The following CAMTA1 variants were observed in gnomAD, a reference collection of about 807,000 sequenced individuals.
The protein encoded by CAMTA1 is calmodulin-binding transcription activator 1.
CAMTA1 carries 27 observed loss-of-function variants against 170.9 expected under a neutral mutation model. The observed-to-expected ratio is 0.16, with a 90% CI of 0.12 to 0.22. The LOEUF is 0.22. CAMTA1 is among the 10% of genes least tolerant of loss of function. CAMTA1 has a pLI of 1.00. For synonymous variants in CAMTA1, 833 were observed against 891.5 expected, an observed-to-expected ratio of 0.93 and a Z score of 1.17; for missense variants, 1,619 against 2,217.2, an observed-to-expected ratio of 0.73 and a Z score of 5.42.
intron 3 of CAMTA1, among the ~76,000 whole-genome samples, chr1:7,035,400 CAA>C (rs34384173): frequency 0.18 from 25,483 of 139,934 alleles, 2,789 homozygotes; most frequent in African/African-American, 0.33. Context: ...AACTCGGTCT[CAA>C]AAAAAAAAAA....
rs1679107347 is a variant in CAMTA1 at position 7,325,215 on chromosome 1, G to T, written c.438+75589G>T. On this transcript the variant is annotated intron_variant, in intron 5 of 22. Transcript: ENST00000303635. The surrounding 1 kb of genome is among the most constrained non-coding windows in gnomAD (Gnocchi z 5.0). ...ACTTGACATTCTAGCTGGGGTGACA[G>T]ATTCTAAACAATAAACATCCACGAG... Among the ~76,000 whole-genome samples, 1 of 152,216 alleles carries T rather than the reference G, an allele frequency of 6.6e-6. No homozygotes were observed. The highest frequency in any genetic ancestry group is 1.5e-5 in the Non-Finnish European group (1 of 68,036).
At chr1:7,728,120 C>T (rs1229797181) in intron 11 of CAMTA1, among the ~76,000 whole-genome samples, 2 of 152,210 alleles carry the variant, frequency 1.3e-5, no homozygotes, top group Non-Finnish European at 2.9e-5. Flanking sequence ...ATATCATGCA[C>T]TCATGGCATA....
chr1:7,218,640 G>A (rs1359154736), intron 4 of CAMTA1, among the ~76,000 whole-genome samples: 2 of 152,040 alleles, frequency 1.3e-5, no homozygotes, highest in African/African-American at 4.8e-5. Flanking sequence ...GGTCTATCTG[G>A]ATTCATTTTT....
At chr1:7,172,317 T>G (rs1649804052) in intron 4 of CAMTA1, among the ~76,000 whole-genome samples, 1 of 152,126 alleles carries the variant, frequency 6.6e-6, no homozygotes, top group Non-Finnish European at 1.5e-5. Flanking sequence ...GCCCAGCTAA[T>G]TTTTGTATTT....
chr1:7,574,889 G>A lies in CAMTA1; in HGVS notation c.511-65511G>A, dbSNP rs570023004. ...AAGCTCTTGGCTTACTGAGAGGTCC[G>A]TGCCCCAACCCCAGCCCAGTCCCAG... is the stretch of plus-strand genomic sequence containing the variant. On this transcript the variant is annotated intron_variant, in intron 6 of 22. Transcript: ENST00000303635. Among the ~76,000 whole-genome samples the A allele has an allele frequency of 2.9e-4, 44 of 152,282 alleles. 1 individual carries two copies. Among genetic ancestry groups the A allele is most frequent in the African/African-American group, 8.7e-4 (36 of 41,554 alleles).
chr1:7,487,953 C>T (rs564656683), intron 6 of CAMTA1, among the ~76,000 whole-genome samples: 1 of 152,272 alleles, frequency 6.6e-6, no homozygotes, highest in African/African-American at 2.4e-5. Flanking sequence ...GGAGTGGTGT[C>T]GTTTGCCGCC....
Position 7,265,534 on chromosome 1 carries a change from G to A in CAMTA1, c.438+15908G>A, listed in dbSNP as rs181619261. 1.7e-3 allele frequency among the ~76,000 whole-genome samples: 256 copies of A among 152,154 alleles called. 1 individual carries two copies. Among genetic ancestry groups the A allele is most frequent in the African/African-American group, 5.5e-3 (228 of 41,522 alleles). On this transcript the variant is annotated intron_variant, in intron 5 of 22. Coordinates refer to ENST00000303635, the MANE Select transcript of CAMTA1 (RefSeq NM_015215.4). The stretch of plus-strand genomic sequence containing the variant: ...TCGCCATGTTGGCCAGGCTGGTCTC[G>A]AACTCCTGACCTCAAGTGATCTGCC...
chr1:7,111,914 C>T (rs571375772), intron 4 of CAMTA1, among the ~76,000 whole-genome samples: 47 of 144,250 alleles, frequency 3.3e-4, no homozygotes, highest in Non-Finnish European at 6.6e-4. Context: ...AAAAAAAAAC[C>T]GAAGACTGAA....
At chr1:7,094,712 A>G (rs1283339808) in intron 4 of CAMTA1, among the ~76,000 whole-genome samples, 2 of 152,182 alleles carry the variant, frequency 1.3e-5, no homozygotes, top group African/African-American at 2.4e-5. Context: ...GGAGGCTCCC[A>G]GGGCTGGGGA....
intron 3 of CAMTA1, among the ~76,000 whole-genome samples, chr1:6,860,318 A>G (rs540607970): frequency 6.6e-6 from 1 of 152,296 alleles, no homozygotes; most frequent in South Asian, 2.1e-4. Context: ...GATGTTTAAT[A>G]TAGCTGAACT....
Position 7,249,402 on chromosome 1 carries a change from TAG to T in CAMTA1, c.303-85_303-84del. On this transcript the variant is annotated intron_variant, in intron 4 of 22. Coordinates refer to ENST00000303635, the MANE Select transcript of CAMTA1 (RefSeq NM_015215.4). The surrounding 1 kb of genome is among the most constrained non-coding windows in gnomAD (Gnocchi z 4.4). ...GCAAATGTGGAATATTGCTTTTCTG[TAG>T]AGACTTTTACTGGTCGATGATATCT... 1 of 1,235,304 alleles carries T rather than the reference TAG, an allele frequency of 8.1e-7. No individual in the cohort carries two copies. The highest frequency in any genetic ancestry group is 1.1e-6 in the Non-Finnish European group (1 of 883,306). 76.5% of individuals were successfully genotyped at this position (1,235,304 alleles called of 1,614,324 possible).
chr1:6,891,411 A>G lies in CAMTA1; in HGVS notation c.234+66201A>G, dbSNP rs189880839. On this transcript the variant is annotated intron_variant, in intron 3 of 22. Coordinates refer to ENST00000303635, the MANE Select transcript of CAMTA1 (RefSeq NM_015215.4). ...TGAATTCCATTGTAGATGTGTTGGC[A>G]TTTGCTTCCAAACCATCCTTCTGGT... Among the ~76,000 whole-genome samples the G allele has an allele frequency of 2.9e-3, 436 of 152,314 alleles. 2 individuals are homozygous for G. The highest frequency in any genetic ancestry group is 5.8e-3 in the Admixed American group (89 of 15,304).
intron 4 of CAMTA1, among the ~76,000 whole-genome samples, chr1:7,103,824 GCACACACAACTACACACAT>G (rs1643160491): frequency 2.1e-5 from 2 of 94,192 alleles, no homozygotes; most frequent in African/African-American, 6.4e-5. Context: ...CTACACACAT[GCACACACAACTACACACAT>G]GTACACACAA....
chr1:7,516,901 T>A (rs898644164), intron 6 of CAMTA1, among the ~76,000 whole-genome samples: 2 of 152,172 alleles, frequency 1.3e-5, no homozygotes, highest in African/African-American at 2.4e-5. Flanking sequence ...TTGTTATTTC[T>A]CATTATGAAA....
At chr1:7,533,567 G>A (rs1463417768) in intron 6 of CAMTA1, among the ~76,000 whole-genome samples, 3 of 152,160 alleles carry the variant, frequency 2.0e-5, no homozygotes, top group Non-Finnish European at 4.4e-5. Context: ...GAGGCTGGGG[G>A]TGTGGACAGT....
At chr1:7,581,615 G>A (rs2095261607) in intron 6 of CAMTA1, among the ~76,000 whole-genome samples, 2 of 152,372 alleles carry the variant, frequency 1.3e-5, no homozygotes, top group East Asian at 1.9e-4. Context: ...CTTTGGAGGT[G>A]GGACCGGCCA....
At position 7,456,233 on chromosome 1, in the gene CAMTA1, A is replaced by C. The variant is rs2092949902; in HGVS notation, c.439-11597A>C. ...GGAAGAATGGGAGAGAGGGAGGGAGAGAAGGAGGGAGGGAGGAAGGGAGGA... is the reference window on the plus strand; with the variant it reads ...GGAAGAATGGGAGAGAGGGAGGGAGCGAAGGAGGGAGGGAGGAAGGGAGGA... On this transcript the variant is annotated intron_variant, in intron 5 of 22. Coordinates refer to ENST00000303635, the MANE Select transcript of CAMTA1 (RefSeq NM_015215.4). The surrounding 1 kb of genome is among the most constrained non-coding windows in gnomAD (Gnocchi z 4.9). Among the ~76,000 whole-genome samples, 1 of 123,384 alleles carries C rather than the reference A, an allele frequency of 8.1e-6. No individual in the cohort carries two copies. The highest frequency in any genetic ancestry group is 3.0e-5 in the African/African-American group (1 of 32,956). 80.9% of individuals were successfully genotyped at this position (123,384 alleles called of 152,430 possible).
chr1:7,427,543 A>ATT (rs1353234257), intron 5 of CAMTA1, among the ~76,000 whole-genome samples: 1 of 152,184 alleles, frequency 6.6e-6, no homozygotes, highest in African/African-American at 2.4e-5. Flanking sequence ...TATAAATAGT[A>ATT]TTTTATTTGG....
rs2095978492 is a variant in CAMTA1 at position 7,663,433 on chromosome 1, G to T, written c.886G>T (p.Gly296Trp). The T allele has an allele frequency of 2.5e-6, 4 of 1,574,648 alleles. No individual in the cohort carries two copies. Among genetic ancestry groups the T allele is most frequent in the Non-Finnish European group, 3.5e-6 (4 of 1,154,990 alleles). Residue 296 changes from glycine (G) to tryptophan (W), a missense_variant, in exon 9 of 23, where the codon GGG (glycine) becomes TGG (tryptophan). Gly to Trp is a radical substitution (Grantham distance 184). Around this residue, in one of 8 missense-constraint regions of CAMTA1, gnomAD observed 731 missense variants for 907.6 expected, o/e 0.81. Coordinates refer to ENST00000303635, the MANE Select transcript of CAMTA1 (RefSeq NM_015215.4). ...ISPKVEPRTG[G>W]YGSHSEVQHN... ...GCCCAAGGTGGAGCCACGGACAGGG[G>T]GGTACGGGAGCCACTCGGAGGTGCA... is the stretch of plus-strand genomic sequence containing the variant.
Sources: allele counts gnomAD v4.1 joint callset (sites outside exome capture counted in the v4.1 genomes callset), GRCh38; gene constraint gnomAD v4.1.1; regional missense constraint gnomAD v4.1.1; non-coding constraint Gnocchi (gnomAD v3.1); transcripts MANE v1.5; gene names NCBI Gene and HGNC (gene_info 2026-07-23, HGNC 2026-07-21).